RGS5: variants seen among roughly 807,000 people sequenced by gnomAD.
RGS5 encodes regulator of G-protein signalling 5.
In RGS5, 20 loss-of-function variants were observed where a neutral mutation model predicts 18.9. That is an observed-to-expected ratio of 1.06 (90% confidence interval 0.74 to 1.54). The LOEUF (loss-of-function observed/expected upper bound fraction) is 1.54. RGS5 is among the 40% of genes most tolerant of loss of function. The pLI, the probability that RGS5 is intolerant of heterozygous loss-of-function variation, is 0.00. For missense variants in RGS5, 201 were observed against 211.8 expected (o/e 0.95, Z 0.32); for synonymous variants, 57 against 76.2 (o/e 0.75, Z 1.31).
At chr1:163,183,037 C>T (rs1017534593) in intron 1 of RGS5, among the ~76,000 whole-genome samples, 2 of 152,196 alleles carry the variant, frequency 1.3e-5, no homozygotes, top group Non-Finnish European at 2.9e-5. Flanking sequence ...AATAAAACTA[C>T]AGTTCCCAGA....
At chr1:163,269,446 C>T (rs995436603) in intron 2 of RGS5, among the ~76,000 whole-genome samples, 4 of 152,054 alleles carry the variant, frequency 2.6e-5, no homozygotes, top group African/African-American at 4.8e-5. Context: ...AGAAAAGACA[C>T]TACAGGATTC....
intron 1 of RGS5, among the ~76,000 whole-genome samples, chr1:163,173,416 C>T (rs552920548): frequency 6.6e-6 from 1 of 152,128 alleles, no homozygotes; most frequent in Non-Finnish European, 1.5e-5. Context: ...AGTTTTAAAT[C>T]TGCTCCCTGT....
chr1:163,228,659 C>A (rs923062748), intron 2 of RGS5, among the ~76,000 whole-genome samples: 2 of 152,230 alleles, frequency 1.3e-5, no homozygotes, highest in African/African-American at 4.8e-5. Flanking sequence ...AATTTCTCCC[C>A]AGAAAATGGG....
At chr1:163,176,953 G>A (rs1406985102) in intron 1 of RGS5, among the ~76,000 whole-genome samples, 1 of 152,168 alleles carries the variant, frequency 6.6e-6, no homozygotes, top group Non-Finnish European at 1.5e-5. Flanking sequence ...CTCAACAGTG[G>A]TCAGCAAACT....
chr1:163,153,847 A>G (rs1657479835), intron 3 of RGS5, among the ~76,000 whole-genome samples: 1 of 151,056 alleles, frequency 6.6e-6, no homozygotes, highest in African/African-American at 2.4e-5. Flanking sequence ...TATATAAACC[A>G]AAATTCTAAA....
At chr1:163,152,818 C>A in intron 3 of RGS5, 102 bp from the exon 4 acceptor site, 1 of 1,105,946 alleles carries the variant, frequency 9.0e-7, no homozygotes, top group Non-Finnish European at 1.3e-6. Flanking sequence ...CTCTTCTATG[C>A]ACAAAGTTTT....
At chr1:163,179,088 T>TA (rs1658692116) in intron 1 of RGS5, among the ~76,000 whole-genome samples, 1 of 152,204 alleles carries the variant, frequency 6.6e-6, no homozygotes, top group Non-Finnish European at 1.5e-5. Flanking sequence ...CGATACACGT[T>TA]AAAAAGACTG....
intron 2 of RGS5, among the ~76,000 whole-genome samples, chr1:163,302,340 T>C (rs990354282): frequency 4.8e-4 from 73 of 152,308 alleles, no homozygotes; most frequent in African/African-American, 1.5e-3. Flanking sequence ...AGAAGGAGAA[T>C]GTGGATTTGA....
Position 163,161,806 on chromosome 1 carries a change from T to C in RGS5, c.217+109A>G, listed in dbSNP as rs138682411. The C allele has an allele frequency of 6.2e-4, 503 of 813,660 alleles. 3 individuals are homozygous for C. In the African/African-American group the frequency reaches 6.9e-3, roughly 11 times the overall value. 50.4% of individuals were successfully genotyped at this position (813,660 alleles called of 1,614,324 possible). A position where few individuals can be genotyped will look rare whatever the true frequency, so the allele number is the denominator to read the frequency against. On this transcript the variant is annotated intron_variant, in intron 3 of 4. Transcript: ENST00000313961. ...CCCTTATTGATATCACCTTCAAAAA[T>C]TGAAGAAATGTCAACATTGGGGAAG...
At chr1:163,170,767 C>G (rs547053800) in intron 1 of RGS5, among the ~76,000 whole-genome samples, 18 of 152,280 alleles carry the variant, frequency 1.2e-4, no homozygotes, top group Non-Finnish European at 2.5e-4. Flanking sequence ...CTAAAGCCAA[C>G]TCAGGTCCCA....
At chr1:163,195,774 A>G (rs1435183107) in intron 1 of RGS5, among the ~76,000 whole-genome samples, 1 of 152,054 alleles carries the variant, frequency 6.6e-6, no homozygotes, top group Non-Finnish European at 1.5e-5. Flanking sequence ...TGTTTCCTTC[A>G]CTGCCTACAA....
At chr1:163,315,000 C>T (rs1389013062) in intron 1 of RGS5, among the ~76,000 whole-genome samples, 3 of 152,052 alleles carry the variant, frequency 2.0e-5, no homozygotes, top group African/African-American at 4.8e-5. Context: ...ACTAAGACAC[C>T]CTTCTAAAAT....
intron 3 of RGS5, among the ~76,000 whole-genome samples, chr1:163,159,071 G>C (rs551398230): frequency 6.6e-6 from 1 of 152,120 alleles, no homozygotes; most frequent in East Asian, 1.9e-4. Flanking sequence ...TGTTCCACCC[G>C]GCTCACCGGC....
upstream of RGS5, among the ~76,000 whole-genome samples, chr1:163,207,132 T>C (rs567520147): frequency 1.3e-5 from 2 of 152,324 alleles, no homozygotes; most frequent in Non-Finnish European, 2.9e-5. Context: ...CCTCTGATCA[T>C]ATAAATGGAA....
intron 1 of RGS5, among the ~76,000 whole-genome samples, chr1:163,214,869 C>T (rs1162821636): frequency 1.3e-5 from 2 of 152,016 alleles, no homozygotes; most frequent in Non-Finnish European, 2.9e-5. Flanking sequence ...TTTGTTTTTT[C>T]CAAGATTCTT....
intron 1 of RGS5, among the ~76,000 whole-genome samples, chr1:163,197,678 T>G (rs1215376792): frequency 6.6e-6 from 1 of 152,170 alleles, no homozygotes; most frequent in Non-Finnish European, 1.5e-5. Context: ...CAAATTTTAT[T>G]AAATAGTTCA....
At position 163,147,170 on chromosome 1, in the gene RGS5, A is replaced by T; in HGVS notation, c.*172T>A. ...GGGAAAGAAGGCCTTCGGACAGTAGATAAGTATCCAAAGCAGTGTGGGCAA... is the reference window on the plus strand; with the variant it reads ...GGGAAAGAAGGCCTTCGGACAGTAGTTAAGTATCCAAAGCAGTGTGGGCAA... On this transcript the variant is annotated 3_prime_UTR_variant, in exon 5 of 5. Transcript: ENST00000313961. 1.9e-6 allele frequency: 1 copy of T among 535,046 alleles called. No individual in the cohort carries two copies. Among genetic ancestry groups the T allele is most frequent in the Non-Finnish European group, 3.1e-6 (1 of 323,136 alleles). 33.1% of individuals were successfully genotyped at this position (535,046 alleles called of 1,614,324 possible).
intron 1 of RGS5, among the ~76,000 whole-genome samples, chr1:163,198,985 GT>G (rs1659676728): frequency 6.6e-6 from 1 of 151,772 alleles, no homozygotes; most frequent in Non-Finnish European, 1.5e-5. Flanking sequence ...AACATTTTTT[GT>G]TTCATAATAC....
chr1:163,262,470 C>T (rs543106650), intron 2 of RGS5, among the ~76,000 whole-genome samples: 4 of 67,704 alleles, frequency 5.9e-5, no homozygotes, highest in African/African-American at 2.4e-4. Flanking sequence ...ATCCATGTCC[C>T]TACAAAGGAT....
Sources: gnomAD v4.1 joint callset for allele counts (sites outside exome capture counted in the v4.1 genomes callset) on GRCh38, gnomAD v4.1.1 for gene constraint, MANE v1.5 for transcripts, NCBI Gene and HGNC (gene_info 2026-07-23, HGNC 2026-07-21) for gene names.